The following CCSER1 variants were observed in gnomAD, a reference collection of about 807,000 sequenced individuals.
CCSER1 encodes the protein serine-rich coiled-coil domain-containing protein 1.
CCSER1 carries 41 observed loss-of-function variants against 82.0 expected under a neutral mutation model. That is an observed-to-expected ratio of 0.50 (90% CI 0.39 to 0.65). The LOEUF is 0.65. CCSER1 is among the 30% of genes least tolerant of loss of function. CCSER1 has a pLI of 0.00. For missense variants in CCSER1, 1,119 were observed against 1,064.2 expected (o/e 1.05, Z -0.72); for synonymous variants, 414 against 383.9 (o/e 1.08, Z -0.92).
chr4:91,037,151 G>C (rs72667540), intron 9 of CCSER1, among the ~76,000 whole-genome samples: 13,146 of 151,968 alleles, frequency 0.087, 732 homozygotes, highest in Admixed American at 0.17. Context: ...CCAGACAAGT[G>C]GTGGTGTCTC....
chr4:90,206,808 G>A (rs1738930307), intron 1 of CCSER1, among the ~76,000 whole-genome samples: 1 of 147,660 alleles, frequency 6.8e-6, no homozygotes. Flanking sequence ...TTACTTTGTG[G>A]GAGTCTGAGT....
chr4:91,347,002 G>GT (rs111943298), intron 10 of CCSER1, among the ~76,000 whole-genome samples: 50 of 151,016 alleles, frequency 3.3e-4, no homozygotes, highest in Middle Eastern at 6.8e-3. Flanking sequence ...CAACTTATGA[G>GT]TTTTTTTTTG....
chr4:90,700,930 G>A (rs1455563711), intron 6 of CCSER1, among the ~76,000 whole-genome samples: 1 of 152,022 alleles, frequency 6.6e-6, no homozygotes, highest in Non-Finnish European at 1.5e-5. Flanking sequence ...CCATTCTGTA[G>A]GTTGCCTGTT....
At chr4:91,248,856 G>T (rs1424734057) in intron 10 of CCSER1, among the ~76,000 whole-genome samples, 1 of 152,010 alleles carries the variant, frequency 6.6e-6, no homozygotes, top group African/African-American at 2.4e-5. Flanking sequence ...TATGCATGGG[G>T]ATTCTATACT....
chr4:91,204,655 T>A (rs1231925161), intron 10 of CCSER1, among the ~76,000 whole-genome samples: 8 of 151,846 alleles, frequency 5.3e-5, no homozygotes, highest in Admixed American at 5.3e-4. Flanking sequence ...AAATCACTAT[T>A]TTAATCATTA....
At chr4:90,201,525 A>G (rs1194468768) in intron 1 of CCSER1, among the ~76,000 whole-genome samples, 1 of 149,514 alleles carries the variant, frequency 6.7e-6, no homozygotes, top group East Asian at 1.9e-4. Context: ...TAAATGTATT[A>G]AATTTAATAT....
At chr4:90,894,795 G>A (rs1403667547) in intron 8 of CCSER1, among the ~76,000 whole-genome samples, 1 of 151,910 alleles carries the variant, frequency 6.6e-6, no homozygotes, top group Non-Finnish European at 1.5e-5. Flanking sequence ...TCCATGTGCT[G>A]GACACTGTGC....
intron 3 of CCSER1, among the ~76,000 whole-genome samples, chr4:90,332,215 T>A (rs1365725993): frequency 1.3e-5 from 2 of 151,910 alleles, no homozygotes; most frequent in African/African-American, 4.8e-5. Flanking sequence ...GTCGCTACAG[T>A]TTTCATAAGT....
At chr4:91,149,496 G>GTCAAT (rs1307249732) in intron 10 of CCSER1, among the ~76,000 whole-genome samples, 1 of 152,152 alleles carries the variant, frequency 6.6e-6, no homozygotes, top group Non-Finnish European at 1.5e-5. Context: ...GATCCCATTT[G>GTCAAT]TCAATTCTGG....
At chr4:90,944,063 G>A (rs968646637) in intron 9 of CCSER1, among the ~76,000 whole-genome samples, 1 of 151,502 alleles carries the variant, frequency 6.6e-6, no homozygotes, top group South Asian at 2.1e-4. Context: ...GTGAAACCCC[G>A]TCGCTACTAA....
chr4:90,517,323 C>T (rs533440273), intron 5 of CCSER1, among the ~76,000 whole-genome samples: 40 of 152,100 alleles, frequency 2.6e-4, no homozygotes, highest in African/African-American at 8.4e-4. Flanking sequence ...CATCGTAAGT[C>T]GGGGACCATC....
intron 10 of CCSER1, among the ~76,000 whole-genome samples, chr4:91,283,634 A>G (rs970342123): frequency 1.3e-5 from 2 of 152,070 alleles, no homozygotes; most frequent in Middle Eastern, 3.2e-3. Flanking sequence ...AATTTCCTAC[A>G]AACATTAATA....
In CCSER1 at chr4:90,536,163, G is replaced by C. The variant is rs28484833; in HGVS notation, c.1724+67809G>C. ...TTCTCCTGCCTCAGCCTCCAGAGTAGCTGGGATTATAGGTGCCCGCCACCA... is the reference window on the plus strand; with the variant it reads ...TTCTCCTGCCTCAGCCTCCAGAGTACCTGGGATTATAGGTGCCCGCCACCA... On this transcript the variant is annotated intron_variant, in intron 5 of 10. Coordinates refer to ENST00000509176, the MANE Select transcript of CCSER1 (RefSeq NM_001145065.2). Among the ~76,000 whole-genome samples the C allele has an allele frequency of 4.5e-3, 676 of 151,048 alleles. 3 individuals carry two copies. Among genetic ancestry groups the C allele is most frequent in the African/African-American group, 0.016 (639 of 41,160 alleles).
chr4:90,795,463 C>A (rs7438052), intron 7 of CCSER1, among the ~76,000 whole-genome samples: 52,891 of 151,940 alleles, frequency 0.35, 9,572 homozygotes, highest in African/African-American at 0.46. Context: ...GACATCCTAT[C>A]TTCCTATTCG....
intron 5 of CCSER1, among the ~76,000 whole-genome samples, chr4:90,485,982 C>G (rs1449221618): frequency 6.6e-6 from 1 of 152,166 alleles, no homozygotes; most frequent in Admixed American, 6.5e-5. Flanking sequence ...TCAGAGGACT[C>G]TGTCATGTGG....
chr4:90,282,221 G>T (rs1728987884), intron 1 of CCSER1, among the ~76,000 whole-genome samples: 1 of 151,806 alleles, frequency 6.6e-6, no homozygotes, highest in African/African-American at 2.4e-5. Context: ...TTGTTATAAA[G>T]CTTTTACTCC....
At chr4:90,329,824 G>T (rs1408401154) in intron 3 of CCSER1, among the ~76,000 whole-genome samples, 1 of 152,002 alleles carries the variant, frequency 6.6e-6, no homozygotes, top group East Asian at 1.9e-4. Flanking sequence ...AGGTGTCTTG[G>T]CTATTTACAG....
intron 9 of CCSER1, among the ~76,000 whole-genome samples, chr4:90,974,597 G>A (rs62309787): frequency 0.027 from 4,064 of 151,334 alleles, 89 homozygotes; most frequent in African/African-American, 0.034. Flanking sequence ...ACAAATTGCC[G>A]ATAAATGCAT....
chr4:90,462,674 G>A (rs916880270), intron 4 of CCSER1, among the ~76,000 whole-genome samples: 1 of 152,138 alleles, frequency 6.6e-6, no homozygotes, highest in South Asian at 2.1e-4. Context: ...ACTTTGAGGG[G>A]TAGTGCATCA....
Sources: allele counts gnomAD v4.1 joint callset (sites outside exome capture counted in the v4.1 genomes callset), GRCh38; gene constraint gnomAD v4.1.1; transcripts MANE v1.5; gene names NCBI Gene and HGNC (gene_info 2026-07-23, HGNC 2026-07-21).